Variants in ADD2 observed in about 807,000 individuals in gnomAD.
ADD2 encodes the protein beta-adducin.
In ADD2, 23 loss-of-function variants were observed where a neutral mutation model predicts 83.0. The observed-to-expected ratio is 0.28, with a 90% CI of 0.20 to 0.39. The LOEUF is 0.39. ADD2 is among the 10% of genes least tolerant of loss of function. The pLI, the probability that ADD2 is intolerant of heterozygous loss-of-function variation, is 1.00. For synonymous variants in ADD2, 375 were observed against 375.4 expected, an observed-to-expected ratio of 1.00 and a Z score of 0.01; for missense variants, 758 against 944.9, an observed-to-expected ratio of 0.80 and a Z score of 2.59.
chr2:70,669,262 T>C (rs1553366694), intron 15 of ADD2, among the ~76,000 whole-genome samples: 1 of 151,728 alleles, frequency 6.6e-6, no homozygotes, highest in African/African-American at 2.4e-5. Context: ...TCTGAAAGAA[T>C]CACCCAGAGA....
rs782507125 is a variant in ADD2 at position 70,676,715 on chromosome 2, G to C, written c.1593+81C>G. ...GGAAGGTGGGTATGAGGACTCAGGGGTCCTGCAACCCAGCCCCAGGCACAG... is the reference window on the plus strand; with the variant it reads ...GGAAGGTGGGTATGAGGACTCAGGGCTCCTGCAACCCAGCCCCAGGCACAG... On this transcript the variant is annotated intron_variant, in intron 13 of 15. Coordinates refer to ENST00000264436, the MANE Select transcript of ADD2 (RefSeq NM_001617.4). This position sits in a 1 kb window ranked among gnomAD's most constrained non-coding sequence, Gnocchi z 4.8. 2.5e-6 allele frequency: 4 copies of C among 1,592,132 alleles called. No homozygotes were observed. The highest frequency in any genetic ancestry group is 3.4e-6 in the Non-Finnish European group (4 of 1,168,126).
intron 6 of ADD2, among the ~76,000 whole-genome samples, chr2:70,693,189 G>A: frequency 6.6e-6 from 1 of 152,090 alleles, no homozygotes; most frequent in East Asian, 1.9e-4. Context: ...CACAATCCAA[G>A]GTAAACAGAA....
intron 15 of ADD2, among the ~76,000 whole-genome samples, chr2:70,665,583 G>A (rs1379104694): frequency 6.6e-6 from 1 of 152,098 alleles, no homozygotes; most frequent in African/African-American, 2.4e-5. Flanking sequence ...CCAAGCTGCT[G>A]GTCCTGGACC....
At position 70,669,160 on chromosome 2, in the gene ADD2, C is replaced by G. The variant is rs150202406; in HGVS notation, c.1870+3718G>C. On this transcript the variant is annotated intron_variant, in intron 15 of 15. Transcript: ENST00000264436. ...AGGGGAAGAAGAGCAACAAGCTGAG[C>G]TGCCCATGGCCGACCATTGAGCTGG... is the stretch of plus-strand genomic sequence containing the variant. 3.2e-3 allele frequency among the ~76,000 whole-genome samples: 485 copies of G among 152,318 alleles called. 5 individuals carry two copies. Among genetic ancestry groups the G allele is most frequent in the Non-Finnish European group, 3.3e-3 (226 of 68,022 alleles).
intron 1 of ADD2, among the ~76,000 whole-genome samples, chr2:70,764,808 A>G (rs956489141): frequency 2.6e-5 from 4 of 151,790 alleles, no homozygotes; most frequent in African/African-American, 9.7e-5. Flanking sequence ...ACAGAGCAAG[A>G]TTCCGCAAAA....
intron 4 of ADD2, among the ~76,000 whole-genome samples, chr2:70,702,929 C>T (rs936298170): frequency 2.0e-5 from 3 of 152,080 alleles, no homozygotes; most frequent in Non-Finnish European, 2.9e-5. Context: ...AAGTGCCAAA[C>T]CAGCCTGGGC....
At position 70,767,958 on chromosome 2, in the gene ADD2, G is replaced by T. The variant is rs1675495648; in HGVS notation, c.-226C>A. On this transcript the variant is annotated 5_prime_UTR_variant, in exon 1 of 16. Coordinates refer to ENST00000264436, the MANE Select transcript of ADD2 (RefSeq NM_001617.4). ...TTTTGTTATTTTATGGGTTTGGGGG[G>T]TGGGGTGCGCTTAAAAAATCCACCC... 2.0e-6 allele frequency: 3 copies of T among 1,535,546 alleles called. No homozygotes were observed. In the Admixed American group the frequency reaches 5.9e-5, roughly 30 times the overall value.
intron 1 of ADD2, chr2:70,767,427 C>G (rs1270089646): frequency 5.9e-6 from 1 of 170,928 alleles, no homozygotes; most frequent in Non-Finnish European, 1.2e-5. Context: ...GATCGCGAGG[C>G]CCCGGGGGAC....
chr2:70,730,741 C>T (rs1401635645), intron 1 of ADD2, among the ~76,000 whole-genome samples: 1 of 152,168 alleles, frequency 6.6e-6, no homozygotes, highest in Non-Finnish European at 1.5e-5. Flanking sequence ...ATGGTGGTCC[C>T]ATATGATTAT....
intron 2 of ADD2, among the ~76,000 whole-genome samples, chr2:70,710,957 A>G (rs1358394951): frequency 1.3e-5 from 2 of 152,232 alleles, no homozygotes; most frequent in African/African-American, 4.8e-5. Flanking sequence ...TTGTGATTCA[A>G]TTATAAACAG....
At chr2:70,682,828 A>G (rs1670526584) in intron 10 of ADD2, among the ~76,000 whole-genome samples, 1 of 152,258 alleles carries the variant, frequency 6.6e-6, no homozygotes, top group Admixed American at 6.5e-5. Context: ...TACATGACTG[A>G]TTGGTTCATT....
chr2:70,723,369 A>C (rs1553377709), intron 1 of ADD2, among the ~76,000 whole-genome samples: 1 of 150,280 alleles, frequency 6.7e-6, no homozygotes, highest in Non-Finnish European at 1.5e-5. Flanking sequence ...CCTCATATGG[A>C]TTCTTAACAT....
intron 1 of ADD2, among the ~76,000 whole-genome samples, chr2:70,719,181 T>G (rs1009110921): frequency 2.0e-5 from 3 of 152,174 alleles, no homozygotes; most frequent in African/African-American, 7.2e-5. Context: ...CCACCTGCAC[T>G]CCCAGGGCTG....
intron 1 of ADD2, among the ~76,000 whole-genome samples, chr2:70,736,971 A>G (rs1316698803): frequency 6.6e-6 from 1 of 152,220 alleles, no homozygotes; most frequent in African/African-American, 2.4e-5. Flanking sequence ...GACACATGAA[A>G]AAATGCTCAT....
At chr2:70,716,874 C>G (rs1672495566) in intron 1 of ADD2, among the ~76,000 whole-genome samples, 1 of 152,164 alleles carries the variant, frequency 6.6e-6, no homozygotes, top group African/African-American at 2.4e-5. Context: ...CCCTTCTTGC[C>G]TAATTTGAGA....
chr2:70,691,300 C>T (rs895232492), intron 7 of ADD2, among the ~76,000 whole-genome samples: 1 of 152,118 alleles, frequency 6.6e-6, no homozygotes, highest in East Asian at 1.9e-4. Flanking sequence ...GGAGTTTGTA[C>T]GAGGCTAGGG....
At chr2:70,667,625 C>T (rs1440996674) in intron 15 of ADD2, among the ~76,000 whole-genome samples, 2 of 152,014 alleles carry the variant, frequency 1.3e-5, no homozygotes, top group Non-Finnish European at 2.9e-5. Flanking sequence ...AGAAGAGATT[C>T]GCTTTTTGGT....
At chr2:70,766,755 C>T (rs1675403683) in intron 1 of ADD2, among the ~76,000 whole-genome samples, 1 of 152,094 alleles carries the variant, frequency 6.6e-6, no homozygotes, top group South Asian at 2.1e-4. Context: ...TCGGGAAGCA[C>T]GAAATGTGCA....
At chr2:70,667,668 C>T (rs1669702173) in intron 15 of ADD2, among the ~76,000 whole-genome samples, 1 of 152,150 alleles carries the variant, frequency 6.6e-6, no homozygotes, top group South Asian at 2.1e-4. Context: ...GTCACCCAGG[C>T]TGGAGTGTAA....
Sources: allele counts gnomAD v4.1 joint callset (sites outside exome capture counted in the v4.1 genomes callset), GRCh38; gene constraint gnomAD v4.1.1; non-coding constraint Gnocchi (gnomAD v3.1); transcripts MANE v1.5; gene names NCBI Gene and HGNC (gene_info 2026-07-23, HGNC 2026-07-21).